Variants in LRRK2 observed in about 807,000 individuals in gnomAD.
LRRK2 encodes the protein leucine rich repeat kinase 2, also known as leucine-rich repeat serine/threonine-protein kinase 2.
A neutral mutation model predicts 302.6 loss-of-function variants in LRRK2; 203 were observed. The observed-to-expected ratio is 0.67, with a 90% CI of 0.60 to 0.75. LRRK2 has a LOEUF of 0.75. Among genes scored for constraint, LRRK2 ranks in the 30% least tolerant of loss-of-function variants. The probability of loss-of-function intolerance (pLI) is 0.00; values close to 1 mark genes in which losing one functional copy is unlikely to be tolerated. For missense variants in LRRK2, 2,830 were observed against 2,951.0 expected (o/e 0.96, Z 0.95); for synonymous variants, 1,066 against 1,031.9 (o/e 1.03, Z -0.63).
Position 40,274,587 on chromosome 12 carries a change from T to G in LRRK2, c.1661T>G (p.Ile554Ser). 6.2e-7 allele frequency: 1 copy of G among 1,613,772 alleles called. No individual in the cohort carries two copies. Among genetic ancestry groups the G allele is most frequent in the Non-Finnish European group, 8.5e-7 (1 of 1,179,832 alleles). The change falls in exon 15 of 51, where the codon ATT (isoleucine) becomes AGT (serine). Residue 554 changes from isoleucine to serine, a missense_variant. Ile to Ser is a moderately radical substitution (Grantham distance 142). Coordinates refer to ENST00000298910, the MANE Select transcript of LRRK2 (RefSeq NM_198578.4). ...CGAGTATTCTTTTGATTTTAGTTCA[T>G]TGGAAATCCTGGGATTCAGAAATGT... ...KLVLAALNRF[I>S]GNPGIQKCGL... is the part of the protein sequence containing the mutation.
At chr12:40,312,267 C>A (rs17520020) in intron 31 of LRRK2, among the ~76,000 whole-genome samples, 1 of 152,062 alleles carries the variant, frequency 6.6e-6, no homozygotes, top group East Asian at 1.9e-4. Flanking sequence ...GGAAATAAAA[C>A]AAATGCTTTG....
At chr12:40,322,634 A>G (rs1412433221) in intron 37 of LRRK2, 124 bp downstream of exon 37, 3 of 817,520 alleles carry the variant, frequency 3.7e-6, no homozygotes, top group Non-Finnish European at 5.9e-6. Flanking sequence ...ATTCAATTAT[A>G]GGGACAGTTC....
At chr12:40,322,861 G>A (rs900218053) in intron 37 of LRRK2, among the ~76,000 whole-genome samples, 11 of 152,034 alleles carry the variant, frequency 7.2e-5, no homozygotes, top group Admixed American at 3.3e-4. Context: ...AACAGCTGCA[G>A]CTTCATGAAT....
intron 20 of LRRK2, 37 bp from the exon 21 acceptor site, chr12:40,293,508 T>C: frequency 7.7e-7 from 1 of 1,301,322 alleles, no homozygotes; most frequent in Non-Finnish European, 1.1e-6. Context: ...AAGCTTTTTG[T>C]ATTCACCTTC....
At chr12:40,323,949 G>A (rs1223785245) in intron 38 of LRRK2, among the ~76,000 whole-genome samples, 1 of 152,030 alleles carries the variant, frequency 6.6e-6, no homozygotes, top group East Asian at 1.9e-4. Context: ...TGGTAACCAT[G>A]TTTCAATATT....
intron 31 of LRRK2, among the ~76,000 whole-genome samples, chr12:40,311,401 AGTGTGGT>A (rs1945033988): frequency 6.6e-6 from 1 of 152,062 alleles, no homozygotes; most frequent in African/African-American, 2.4e-5. Flanking sequence ...TACTACAGGG[AGTGTGGT>A]GTAAACTGTA....
chr12:40,240,499 G>T lies in LRRK2; in HGVS notation c.588G>T (p.Leu196=). 1 of 1,612,948 alleles carries T rather than the reference G, an allele frequency of 6.2e-7. No individual in the cohort carries two copies. Among genetic ancestry groups the T allele is most frequent in the South Asian group, 1.1e-5 (1 of 91,024 alleles). ...ATTTTTAAGTCTCAGAGGAGCAACT[G>T]ACTGAATTTGTTGAGAACAAAGATT... ...VLFERVSEEQ[L]TEFVENKDYM... Residue 196 remains leucine, a synonymous_variant, in exon 6 of 51, where the codon CTG becomes CTT. Coordinates refer to ENST00000298910, the MANE Select transcript of LRRK2 (RefSeq NM_198578.4).
chr12:40,283,993 T>A lies in LRRK2; in HGVS notation c.2360T>A (p.Ile787Asn). ...ISIGKGDSQI[I>N]SLLLRRLALD... Reference sequence around the variant, plus strand: ...ATTGGGAAAGGTGACAGCCAGATCATCAGCTTGCTCTTAAGGAGGCTGGCC... The same window carrying A: ...ATTGGGAAAGGTGACAGCCAGATCAACAGCTTGCTCTTAAGGAGGCTGGCC... The change falls in exon 19 of 51, where the codon ATC (isoleucine) becomes AAC (asparagine). Residue 787 changes from isoleucine to asparagine, a missense_variant. By Grantham distance (149) the Ile-to-Asn change is moderately radical (BLOSUM62 -3). Transcript: ENST00000298910. 6.2e-7 allele frequency: 1 copy of A among 1,614,030 alleles called. No homozygotes were observed. Among genetic ancestry groups the A allele is most frequent in the Non-Finnish European group, 8.5e-7 (1 of 1,179,914 alleles).
chr12:40,235,889 A>G (rs1255032031), intron 4 of LRRK2, among the ~76,000 whole-genome samples, 175 bp downstream of exon 4: 2 of 149,298 alleles, frequency 1.3e-5, no homozygotes, highest in African/African-American at 4.9e-5. Context: ...TGGGACAGCC[A>G]TAATATAATC....
At chr12:40,225,335 C>T (rs1309929339) in intron 1 of LRRK2, 53 bp downstream of exon 1, 5 of 1,598,596 alleles carry the variant, frequency 3.1e-6, no homozygotes, top group African/African-American at 1.3e-5. Context: ...TTCTCCCCCT[C>T]CTTACATTTG....
chr12:40,307,433 G>A (rs1234976692), intron 28 of LRRK2, among the ~76,000 whole-genome samples: 2 of 151,944 alleles, frequency 1.3e-5, no homozygotes, highest in African/African-American at 4.8e-5. Flanking sequence ...TTTAAAGGTG[G>A]TTTTTTAGCT....
At chr12:40,363,222 G>A (rs931159884) in intron 47 of LRRK2, among the ~76,000 whole-genome samples, 180 bp from the exon 48 acceptor site, 13 of 152,084 alleles carry the variant, frequency 8.5e-5, no homozygotes, top group African/African-American at 2.7e-4. Context: ...AAGTACCAAA[G>A]CATGTTATAT....
In LRRK2 at chr12:40,346,262, C is replaced by T; in HGVS notation, c.6110-491C>T. On this transcript the variant is annotated intron_variant, in intron 41 of 50. Transcript: ENST00000298910. ...GGTAGAAGGAGCAGAGAGACAAGTT[C>T]AGGAAATAATGAGAGTGTTAGAATT... Among the ~76,000 whole-genome samples the T allele has an allele frequency of 1.3e-5, 2 of 151,414 alleles. 1 individual carries two copies. The highest frequency in any genetic ancestry group is 2.9e-5 in the Non-Finnish European group (2 of 67,906).
chr12:40,305,974 A>C lies in LRRK2; in HGVS notation c.3959+8A>C. 6.3e-7 allele frequency: 1 copy of C among 1,596,516 alleles called. No homozygotes were observed. The highest frequency in any genetic ancestry group is 8.6e-7 in the Non-Finnish European group (1 of 1,167,496). ...AGCCAAAGACATCATAAGGTTAGAT[A>C]ATTTTTTTCTATTTGGTTTTACTAA... On this transcript the variant is annotated splice_region_variant and intron_variant, in intron 28 of 50. Transcript: ENST00000298910.
intron 7 of LRRK2, among the ~76,000 whole-genome samples, chr12:40,245,000 G>GAA (rs771819550): frequency 2.7e-5 from 3 of 111,062 alleles, no homozygotes; most frequent in Admixed American, 9.0e-5. Flanking sequence ...TTGCAAGAGT[G>GAA]AAAAAAAAAA....
At chr12:40,250,084 A>T (rs1273391935) in intron 8 of LRRK2, 139 bp downstream of exon 8, 15 of 1,069,568 alleles carry the variant, frequency 1.4e-5, no homozygotes, top group Non-Finnish European at 1.8e-5. Context: ...CCAGTAGAGG[A>T]TACTTTCAAG....
intron 26 of LRRK2, among the ~76,000 whole-genome samples, chr12:40,303,145 A>T (rs953323749): frequency 3.3e-5 from 5 of 152,106 alleles, no homozygotes; most frequent in Non-Finnish European, 5.9e-5. Flanking sequence ...ATGAAATGAG[A>T]TTATACTGGC....
Position 40,251,165 on chromosome 12 carries a change from G to A in LRRK2, c.959-67G>A, listed in dbSNP as rs182580341. The A allele has an allele frequency of 1.0e-4, 110 of 1,072,352 alleles. No individual in the cohort carries two copies. In the Middle Eastern group the frequency reaches 1.5e-3, roughly 14 times the overall value. 66.4% of individuals were successfully genotyped at this position (1,072,352 alleles called of 1,614,324 possible). A position where few individuals can be genotyped will look rare whatever the true frequency, so the allele number is the denominator to read the frequency against. ...GGTAATATTTCAAAATATGGACTTA[G>A]AGTTGGTCAAACTGTTAAGTAGATA... On this transcript the variant is annotated intron_variant, in intron 8 of 50. Transcript: ENST00000298910.
Position 40,308,709 on chromosome 12 carries a change from A to G in LRRK2, c.4189+13A>G, listed in dbSNP as rs376238292. On this transcript the variant is annotated intron_variant, in intron 29 of 50. Transcript: ENST00000298910. ...TGGGATTTTGCAGGTATTTCTTTCT[A>G]TAGAATTTTAAAATTCACTTTTACC... The G allele has an allele frequency of 9.3e-6, 15 of 1,609,324 alleles. No homozygotes were observed. Among genetic ancestry groups the G allele is most frequent in the Non-Finnish European group, 1.3e-5 (15 of 1,176,448 alleles).
Sources: allele counts gnomAD v4.1 joint callset (sites outside exome capture counted in the v4.1 genomes callset), GRCh38; gene constraint gnomAD v4.1.1; transcripts MANE v1.5; gene names NCBI Gene and HGNC (gene_info 2026-07-23, HGNC 2026-07-21).